The following FAM117B variants were observed in gnomAD, a reference collection of about 807,000 sequenced individuals.
The protein encoded by FAM117B is family with sequence similarity 117 member B, also known as protein FAM117B.
In FAM117B, 22 loss-of-function variants were observed where a neutral mutation model predicts 52.8. The ratio of observed to expected loss-of-function variants is 0.42; its 90% CI spans 0.30 to 0.59. The LOEUF (loss-of-function observed/expected upper bound fraction) is 0.59. Ranked by LOEUF, FAM117B falls within the 20% of genes least tolerant of loss-of-function variation. FAM117B has a pLI of 0.22. For synonymous variants in FAM117B, 309 were observed against 324.1 expected (o/e 0.95, Z 0.50); for missense variants, 678 against 802.6 (o/e 0.84, Z 1.88).
At chr2:202,644,097 T>C (rs929960115) in intron 1 of FAM117B, among the ~76,000 whole-genome samples, 2 of 147,720 alleles carry the variant, frequency 1.4e-5, no homozygotes, top group African/African-American at 2.5e-5. Context: ...GTTTTATGTA[T>C]TATGTAGTGA....
intron 1 of FAM117B, among the ~76,000 whole-genome samples, chr2:202,654,543 T>TA (rs1690024269): frequency 2.6e-5 from 4 of 152,126 alleles, no homozygotes; most frequent in Admixed American, 2.0e-4. Flanking sequence ...CTAGTAATGA[T>TA]ATTATGTTGA....
intron 1 of FAM117B, among the ~76,000 whole-genome samples, chr2:202,669,589 A>T (rs933062810): frequency 6.6e-6 from 1 of 152,158 alleles, no homozygotes; most frequent in Admixed American, 6.5e-5. Context: ...AAAAACTATC[A>T]TTTGAGATGT....
rs140069259 is a variant in FAM117B at position 202,724,988 on chromosome 2, C to A, written c.825C>A (p.Gly275=). Residue 275 remains glycine (G), a synonymous_variant, in exon 3 of 8, where the codon GGC becomes GGA. Coordinates refer to ENST00000392238, the MANE Select transcript of FAM117B (RefSeq NM_173511.4). The part of the protein sequence containing the change: ...KGSHKRSASW[G]STDQLKEIAK... ...CTCACAAGCGCTCAGCATCTTGGGG[C>A]AGTACAGATCAACTTAAGGAGGTCA... 2.5e-6 allele frequency: 4 copies of A among 1,611,926 alleles called. No homozygotes were observed. In the African/African-American group the frequency reaches 5.3e-5, roughly 22 times the overall value.
intron 1 of FAM117B, among the ~76,000 whole-genome samples, chr2:202,658,468 A>G (rs1690082755): frequency 6.6e-6 from 1 of 151,830 alleles, no homozygotes; most frequent in South Asian, 2.1e-4. Context: ...ACACCTGGCT[A>G]ATTTTATATT....
At chr2:202,747,451 C>T (rs1398856884) in intron 4 of FAM117B, among the ~76,000 whole-genome samples, 1 of 152,014 alleles carries the variant, frequency 6.6e-6, no homozygotes, top group East Asian at 1.9e-4. Context: ...AAAAAAAAGG[C>T]ATCCAAACTG....
chr2:202,670,298 TC>T (rs61621217), intron 1 of FAM117B, among the ~76,000 whole-genome samples: 11,540 of 149,596 alleles, frequency 0.077, 1,571 homozygotes, highest in African/African-American at 0.28. Context: ...CTTTTTTTTT[TC>T]TTTTTTTTTG....
chr2:202,744,301 G>A (rs552893718), intron 4 of FAM117B, among the ~76,000 whole-genome samples: 11 of 152,336 alleles, frequency 7.2e-5, no homozygotes, highest in Admixed American at 5.2e-4. Flanking sequence ...GAGCCAGTGT[G>A]TGCAGAGATA....
chr2:202,702,415 AAAAT>A (rs1354029933), intron 2 of FAM117B, among the ~76,000 whole-genome samples: 2 of 152,040 alleles, frequency 1.3e-5, no homozygotes, highest in African/African-American at 2.4e-5. Flanking sequence ...AGAAAGAAAT[AAAAT>A]AAATAAAAAA....
chr2:202,713,516 T>C (rs1690988687), intron 2 of FAM117B, among the ~76,000 whole-genome samples: 1 of 152,202 alleles, frequency 6.6e-6, no homozygotes, highest in Non-Finnish European at 1.5e-5. Flanking sequence ...GTCAAATTCA[T>C]TTATTTCTGT....
intron 2 of FAM117B, among the ~76,000 whole-genome samples, chr2:202,702,500 A>G (rs1338630896): frequency 6.6e-6 from 1 of 152,224 alleles, no homozygotes; most frequent in Non-Finnish European, 1.5e-5. Flanking sequence ...CGTTAACATC[A>G]AGTCAAGACC....
chr2:202,747,417 C>T (rs1691651124), intron 4 of FAM117B, among the ~76,000 whole-genome samples: 1 of 151,940 alleles, frequency 6.6e-6, no homozygotes, highest in Non-Finnish European at 1.5e-5. Flanking sequence ...ACTGGGGGTC[C>T]TAGCCAGAGC....
chr2:202,673,635 A>T (rs926141263), intron 1 of FAM117B, among the ~76,000 whole-genome samples: 14 of 150,958 alleles, frequency 9.3e-5, no homozygotes, highest in Non-Finnish European at 1.5e-4. Context: ...TTTAGTAGAG[A>T]TGGGGTTTCA....
At chr2:202,647,584 A>G (rs1214319115) in intron 1 of FAM117B, among the ~76,000 whole-genome samples, 3 of 152,236 alleles carry the variant, frequency 2.0e-5, no homozygotes, top group Admixed American at 1.3e-4. Context: ...TTTGAAAACT[A>G]CAGCAAAATA....
rs138307792 is a variant in FAM117B, at chr2:202,737,927, A to G, written c.960+11564A>G. 5.9e-5 allele frequency among the ~76,000 whole-genome samples: 9 copies of G among 152,264 alleles called. No individual in the cohort carries two copies. In the East Asian group the frequency reaches 1.5e-3, roughly 26 times the overall value. On this transcript the variant is annotated intron_variant, in intron 4 of 7. Transcript: ENST00000392238. Reference sequence around the variant, plus strand: ...AGTTTATTCCTTTTAGTTGCTAAATAGTATTCCATTACATGGATTTCCCAC... The same window carrying G: ...AGTTTATTCCTTTTAGTTGCTAAATGGTATTCCATTACATGGATTTCCCAC...
intron 4 of FAM117B, among the ~76,000 whole-genome samples, chr2:202,738,173 A>G (rs1691470885): frequency 6.6e-6 from 1 of 152,186 alleles, no homozygotes; most frequent in Non-Finnish European, 1.5e-5. Flanking sequence ...TTTGTTGGGT[A>G]AGTTACAGAT....
At chr2:202,642,397 AACTC>A (rs560922423) in intron 1 of FAM117B, among the ~76,000 whole-genome samples, 21 of 150,076 alleles carry the variant, frequency 1.4e-4, no homozygotes, top group Non-Finnish European at 2.7e-4. Flanking sequence ...AGATAGGAGA[AACTC>A]ACAAAGGCAT....
At chr2:202,723,716 C>T (rs1691187022) in intron 2 of FAM117B, among the ~76,000 whole-genome samples, 1 of 152,242 alleles carries the variant, frequency 6.6e-6, no homozygotes, top group Middle Eastern at 3.4e-3. Context: ...AAGAACAGTG[C>T]TACAGGGAAT....
chr2:202,655,751 A>AGAGAGAGAGAGT (rs1159486665), intron 1 of FAM117B, among the ~76,000 whole-genome samples: 1 of 132,048 alleles, frequency 7.6e-6, no homozygotes. Flanking sequence ...AGAGAGAGAG[A>AGAGAGAGAGAGT]GAGAGAGAGA....
chr2:202,705,235 G>A (rs1412009097), intron 2 of FAM117B, among the ~76,000 whole-genome samples: 1 of 151,918 alleles, frequency 6.6e-6, no homozygotes, highest in African/African-American at 2.4e-5. Flanking sequence ...GTACCTGGGA[G>A]GTGGAGGTTG....
Sources: gnomAD v4.1 joint callset for allele counts (sites outside exome capture counted in the v4.1 genomes callset) on GRCh38, gnomAD v4.1.1 for gene constraint, MANE v1.5 for transcripts, NCBI Gene and HGNC (gene_info 2026-07-23, HGNC 2026-07-21) for gene names.